The following CCDC33 variants were observed in gnomAD, a reference collection of about 807,000 sequenced individuals.
CCDC33 encodes coiled-coil domain containing 33.
In CCDC33, 94 loss-of-function variants were observed where a neutral mutation model predicts 91.9. The observed-to-expected ratio is 1.02, with a 90% CI of 0.87 to 1.21. CCDC33 has a LOEUF of 1.21. CCDC33 is among the 50% of genes most tolerant of loss of function. CCDC33 has a pLI of 0.00. For missense variants in CCDC33, 940 were observed against 935.5 expected (o/e 1.00, Z -0.06); for synonymous variants, 396 against 374.5 (o/e 1.06, Z -0.66).
chr15:74,274,341 C>T lies in CCDC33; in HGVS notation c.759+1450C>T, dbSNP rs143707350. Among the ~76,000 whole-genome samples, 824 of 152,092 alleles carry T rather than the reference C, an allele frequency of 5.4e-3. 8 individuals carry two copies. The Middle Eastern group carries it at 0.055, about 10-fold the overall frequency. ...TGGTCTCTTCTCATGATCTGCGCTT[C>T]ACTGCCAGCTTGCCCTACACGATGG... On this transcript the variant is annotated intron_variant, in intron 7 of 18. Coordinates refer to ENST00000398814, the MANE Select transcript of CCDC33 (RefSeq NM_025055.5).
chr15:74,203,912 G>C (rs1209967693), intron 1 of CCDC33, among the ~76,000 whole-genome samples: 1 of 152,302 alleles, frequency 6.6e-6, no homozygotes, highest in East Asian at 1.9e-4. Context: ...GATGGGGATG[G>C]GGGTGGGGGA....
intron 2 of CCDC33, among the ~76,000 whole-genome samples, chr15:74,254,173 C>T (rs1007571709): frequency 6.6e-6 from 1 of 151,940 alleles, no homozygotes; most frequent in African/African-American, 2.4e-5. Flanking sequence ...GCTGGGATTA[C>T]AGGCGCGCGC....
chr15:74,213,189 C>G (rs2074384542), upstream of CCDC33: 1 of 150,180 alleles, frequency 6.7e-6, no homozygotes, highest in Non-Finnish European at 1.5e-5. Flanking sequence ...GCACACCAAT[C>G]TGGGCGAGAG....
chr15:74,269,310 C>A (rs747263252), intron 5 of CCDC33, among the ~76,000 whole-genome samples: 2 of 152,144 alleles, frequency 1.3e-5, no homozygotes, highest in African/African-American at 4.8e-5. Flanking sequence ...TCCTTCCCAC[C>A]CCCCTACTTC....
Position 74,271,662 on chromosome 15 carries a change from G to T in CCDC33, c.547-41G>T, listed in dbSNP as rs975885379. On this transcript the variant is annotated intron_variant, in intron 5 of 18. Transcript: ENST00000398814. ...CTGGCTGTCTCTGGAAGGTCCCAAG[G>T]CCACATGGTGTTCACCTGCCTCCTC... 6 of 1,526,460 alleles carry T rather than the reference G, an allele frequency of 3.9e-6. No homozygotes were observed. The Admixed American group carries it at 5.0e-5, about 13-fold the overall frequency. The allele number at this position is 1,526,460 out of a possible 1,614,324, so 94.6% of individuals were successfully genotyped here.
At chr15:74,272,156 C>A (rs527310936) in intron 6 of CCDC33, among the ~76,000 whole-genome samples, 24 of 152,254 alleles carry the variant, frequency 1.6e-4, no homozygotes, top group African/African-American at 5.8e-4. Context: ...GCCCCTCCAA[C>A]CTGCCTCCCT....
chr15:74,319,633 C>G (rs1163994698), intron 11 of CCDC33: 2 of 152,280 alleles, frequency 1.3e-5, no homozygotes, highest in Non-Finnish European at 2.9e-5. Context: ...GGGGGTCTTC[C>G]TGGAGGAGGA....
At position 74,280,830 on chromosome 15, in the gene CCDC33, T is replaced by G. The variant is rs2059346483; in HGVS notation, c.1023+29T>G. 3 of 1,437,396 alleles carry G rather than the reference T, an allele frequency of 2.1e-6. No individual in the cohort carries two copies. The African/African-American group carries it at 4.4e-5, about 21-fold the overall frequency. 89.0% of individuals were successfully genotyped at this position (1,437,396 alleles called of 1,614,324 possible). ...AGCCCCCTGCCCTGAACTGGGCCCCTAGCGTGCCCACCTGGCCCCACCCTG... is the reference window on the plus strand; with the variant it reads ...AGCCCCCTGCCCTGAACTGGGCCCCGAGCGTGCCCACCTGGCCCCACCCTG... On this transcript the variant is annotated intron_variant, in intron 9 of 18. Coordinates refer to ENST00000398814, the MANE Select transcript of CCDC33 (RefSeq NM_025055.5).
chr15:74,334,328 A>T (rs924507257), intron 17 of CCDC33, among the ~76,000 whole-genome samples: 15 of 145,140 alleles, frequency 1.0e-4, no homozygotes, highest in Non-Finnish European at 2.2e-4. Flanking sequence ...CTCAGTGTAC[A>T]ACCAGGGTTA....
intron 10 of CCDC33, among the ~76,000 whole-genome samples, chr15:74,285,059 T>G (rs1259792084): frequency 6.6e-6 from 1 of 152,266 alleles, no homozygotes; most frequent in Non-Finnish European, 1.5e-5. Flanking sequence ...CTCGTTCACA[T>G]GGTCAACAAC....
Position 74,281,671 on chromosome 15 carries a change from G to T in CCDC33, c.1024-107G>T, listed in dbSNP as rs187019815. On this transcript the variant is annotated intron_variant, in intron 9 of 18. Coordinates refer to ENST00000398814, the MANE Select transcript of CCDC33 (RefSeq NM_025055.5). ...TCCCACCTCCCTCCCACCCTCCTGG[G>T]TGCAGCCCGCAGGTGACACCTTCCA... The T allele has an allele frequency of 7.0e-5, 71 of 1,014,342 alleles. No individual in the cohort carries two copies. The African/African-American group carries it at 8.2e-4, about 12-fold the overall frequency. 62.8% of individuals were successfully genotyped at this position (1,014,342 alleles called of 1,614,324 possible).
At chr15:74,279,227 A>G (rs1000987144) in intron 7 of CCDC33, among the ~76,000 whole-genome samples, 2 of 152,214 alleles carry the variant, frequency 1.3e-5, no homozygotes, top group Non-Finnish European at 2.9e-5. Context: ...TACAGGGAAA[A>G]ATGGGAAGGA....
At chr15:74,215,206 GAA>G (rs2074409061), upstream of CCDC33, among the ~76,000 whole-genome samples, 1 of 152,222 alleles carries the variant, frequency 6.6e-6, no homozygotes, top group Non-Finnish European at 1.5e-5. Context: ...AGGGAGGTGA[GAA>G]AGGGCAGACC....
At chr15:74,281,979 C>CGA (rs2059376329) in intron 10 of CCDC33, 130 bp downstream of exon 10, 1 of 736,652 alleles carries the variant, frequency 1.4e-6, no homozygotes, top group African/African-American at 1.8e-5. Context: ...ATAGAAACGT[C>CGA]TAAGGGTGAT....
At chr15:74,315,450 C>G (rs973709468) in intron 11 of CCDC33, among the ~76,000 whole-genome samples, 1 of 152,232 alleles carries the variant, frequency 6.6e-6, no homozygotes, top group African/African-American at 2.4e-5. Context: ...AAGAACTTCC[C>G]TAGCCTCCTC....
rs1251694310 is a variant in CCDC33 at position 74,207,832 on chromosome 15, T to TA, written n.90-1555dup. 5.2e-6 allele frequency: 8 copies of TA among 1,533,818 alleles called. No homozygotes were observed. The Admixed American group carries it at 9.8e-5, about 19-fold the overall frequency. On this transcript the variant is annotated intron_variant and non_coding_transcript_variant, in intron 1 of 3. Transcript: ENST00000558645. ...CACATCCAACTGCCCTTCGCACACA[T>TA]ACGTGCTTAATTCTGGCACCAGACC... is the stretch of plus-strand genomic sequence containing the variant.
chr15:74,335,360 G>A (rs2060544202), intron 18 of CCDC33: 1 of 598,534 alleles, frequency 1.7e-6, no homozygotes, highest in Admixed American at 2.9e-5. Context: ...CTGTGGATGA[G>A]GGGTCCATGC....
In CCDC33 at chr15:74,305,240, C is replaced by A. The variant is rs555446514; in HGVS notation, c.1290+9292C>A. ...GGGATTACAGGCGTGAGCCACCACG[C>A]CTGGCCTAAACCTGCTTCTGAGGAC... is the stretch of plus-strand genomic sequence containing the variant. On this transcript the variant is annotated intron_variant, in intron 11 of 18. Transcript: ENST00000398814. 1.2e-3 allele frequency among the ~76,000 whole-genome samples: 187 copies of A among 152,302 alleles called. 1 individual carries two copies. Among genetic ancestry groups the A allele is most frequent in the African/African-American group, 4.1e-3 (169 of 41,564 alleles).
At chr15:74,282,374 G>A (rs984024795) in intron 10 of CCDC33, among the ~76,000 whole-genome samples, 3 of 152,290 alleles carry the variant, frequency 2.0e-5, no homozygotes, top group Admixed American at 1.3e-4. Context: ...CTTGCAGGCT[G>A]TCAGCCGGGG....
Sources: allele counts gnomAD v4.1 joint callset (sites outside exome capture counted in the v4.1 genomes callset), GRCh38; gene constraint gnomAD v4.1.1; transcripts MANE v1.5; gene names NCBI Gene and HGNC (gene_info 2026-07-23, HGNC 2026-07-21).